VAT1L: variants seen among roughly 807,000 people sequenced by gnomAD.
The protein encoded by VAT1L is putative NADPH-dependent quinone oxidoreductase VAT1L.
Under a neutral mutation model 44.1 loss-of-function variants are expected in VAT1L, and 34 were observed. That is an observed-to-expected ratio of 0.77 (90% confidence interval 0.59 to 1.03). The LOEUF (loss-of-function observed/expected upper bound fraction) is 1.03, where lower values mean the gene tolerates loss of function less well. Ranked by LOEUF, VAT1L falls within the 50% of genes least tolerant of loss-of-function variation. The pLI is 0.00. For synonymous variants in VAT1L, 253 were observed against 202.2 expected (o/e 1.25, Z -2.13); for missense variants, 615 against 538.8 (o/e 1.14, Z -1.40).
chr16:77,811,996 G>A (rs189454018), intron 1 of VAT1L, among the ~76,000 whole-genome samples: 76 of 152,078 alleles, frequency 5.0e-4, no homozygotes, highest in Admixed American at 1.1e-3. Context: ...AAACTCCACC[G>A]CTAATTGATG....
chr16:77,885,523 A>T (rs1013117600), intron 7 of VAT1L, among the ~76,000 whole-genome samples: 9 of 152,010 alleles, frequency 5.9e-5, no homozygotes, highest in African/African-American at 1.9e-4. Context: ...AAATGAAGAG[A>T]TGTGGCCTGG....
intron 4 of VAT1L, 47 bp downstream of exon 4, chr16:77,862,937 C>A: frequency 6.3e-7 from 1 of 1,596,410 alleles, no homozygotes; most frequent in Non-Finnish European, 8.5e-7. Flanking sequence ...CCTTGCTCTG[C>A]TCTCAAAGAG....
intron 3 of VAT1L, among the ~76,000 whole-genome samples, chr16:77,833,153 C>T (rs2016598577): frequency 6.6e-6 from 1 of 152,200 alleles, no homozygotes; most frequent in African/African-American, 2.4e-5. Flanking sequence ...TGAGGGCCTA[C>T]TCTGTTCAAG....
chr16:77,968,217 G>A (rs2018243525), intron 7 of VAT1L, among the ~76,000 whole-genome samples: 1 of 152,128 alleles, frequency 6.6e-6, no homozygotes, highest in Non-Finnish European at 1.5e-5. Context: ...TGCAATTGGG[G>A]TGTTACAGGA....
intron 7 of VAT1L, among the ~76,000 whole-genome samples, chr16:77,957,842 G>A (rs1315665060): frequency 2.6e-5 from 4 of 151,362 alleles, no homozygotes; most frequent in Admixed American, 1.3e-4. Flanking sequence ...AATTGCAGGA[G>A]TGGTGGGAGC....
At chr16:77,892,172 A>G (rs1206015995) in intron 7 of VAT1L, among the ~76,000 whole-genome samples, 4 of 152,104 alleles carry the variant, frequency 2.6e-5, no homozygotes, top group Non-Finnish European at 4.4e-5. Context: ...AGAAACTTCA[A>G]CTCTAGCACC....
At chr16:77,855,023 T>C (rs2142436558) in intron 3 of VAT1L, among the ~76,000 whole-genome samples, 1 of 152,078 alleles carries the variant, frequency 6.6e-6, no homozygotes, top group South Asian at 2.1e-4. Flanking sequence ...ACCACAGAGA[T>C]CATTAAGTCC....
chr16:77,887,076 T>G (rs1426403325), intron 7 of VAT1L, among the ~76,000 whole-genome samples: 1 of 152,196 alleles, frequency 6.6e-6, no homozygotes, highest in Non-Finnish European at 1.5e-5. Flanking sequence ...GGAAGGTTTC[T>G]CTCAATAGGT....
chr16:77,805,865 CTT>C (rs10689119), intron 1 of VAT1L, among the ~76,000 whole-genome samples: 7 of 78,840 alleles, frequency 8.9e-5, no homozygotes, highest in South Asian at 5.5e-4. Context: ...TAGTCTCTGC[CTT>C]TTTTTTTTTT....
chr16:77,800,512 CAG>C (rs1379338104), intron 1 of VAT1L: 2 of 152,224 alleles, frequency 1.3e-5, no homozygotes, highest in East Asian at 3.9e-4. Context: ...TCAGTACCCA[CAG>C]AGAGTTTCAA....
chr16:77,931,151 C>A (rs1009145769), intron 7 of VAT1L, among the ~76,000 whole-genome samples: 1 of 152,058 alleles, frequency 6.6e-6, no homozygotes, highest in Non-Finnish European at 1.5e-5. Context: ...ATTGCCTCCT[C>A]GATAGAATTA....
intron 2 of VAT1L, among the ~76,000 whole-genome samples, chr16:77,820,786 T>C (rs1664186679): frequency 6.6e-6 from 1 of 152,232 alleles, no homozygotes; most frequent in Non-Finnish European, 1.5e-5. Flanking sequence ...GTGGGAATTA[T>C]ATAAGGTCAC....
chr16:77,929,238 A>C (rs1486990488), intron 7 of VAT1L, among the ~76,000 whole-genome samples: 1 of 152,154 alleles, frequency 6.6e-6, no homozygotes, highest in Non-Finnish European at 1.5e-5. Context: ...CCTCTCCTTC[A>C]ATAATGAGTC....
intron 8 of VAT1L, among the ~76,000 whole-genome samples, chr16:77,973,726 T>G (rs1203693695): frequency 6.6e-6 from 1 of 152,022 alleles, no homozygotes; most frequent in Non-Finnish European, 1.5e-5. Context: ...TGTAAAGTGT[T>G]TTTTTGTTTG....
intron 7 of VAT1L, among the ~76,000 whole-genome samples, chr16:77,899,750 A>T (rs998140653): frequency 2.6e-5 from 4 of 152,184 alleles, no homozygotes; most frequent in African/African-American, 9.6e-5. Context: ...TGCTCACCCA[A>T]CCTTTCCAGG....
chr16:77,943,975 G>A (rs1013157177), intron 7 of VAT1L, among the ~76,000 whole-genome samples: 3 of 152,100 alleles, frequency 2.0e-5, no homozygotes, highest in African/African-American at 7.2e-5. Flanking sequence ...CTGTTGCTTG[G>A]CTACAGACCT....
intron 7 of VAT1L, among the ~76,000 whole-genome samples, chr16:77,921,083 C>T (rs750158556): frequency 2.0e-5 from 3 of 152,078 alleles, no homozygotes; most frequent in Non-Finnish European, 4.4e-5. Flanking sequence ...AGTTTCATTG[C>T]CTCGAAGGGC....
chr16:77,878,624 C>G (rs568490757), intron 5 of VAT1L, among the ~76,000 whole-genome samples: 3 of 152,128 alleles, frequency 2.0e-5, no homozygotes, highest in Non-Finnish European at 4.4e-5. Flanking sequence ...TTGGAGCTGA[C>G]ACATGGATCA....
intron 4 of VAT1L, among the ~76,000 whole-genome samples, chr16:77,873,852 C>T (rs2017059256): frequency 1.3e-5 from 2 of 152,214 alleles, no homozygotes; most frequent in South Asian, 2.1e-4. Context: ...CATGCAAAGG[C>T]CCTGAGGTCA....
Sources: allele counts gnomAD v4.1 joint callset (sites outside exome capture counted in the v4.1 genomes callset), GRCh38; gene constraint gnomAD v4.1.1; transcripts MANE v1.5; gene names NCBI Gene and HGNC (gene_info 2026-07-23, HGNC 2026-07-21).